The following AKAP6 variants were observed in gnomAD, a reference collection of about 807,000 sequenced individuals.
AKAP6 encodes A-kinase anchor protein 6.
A neutral mutation model predicts 188.5 loss-of-function variants in AKAP6; 58 were observed. The ratio of observed to expected loss-of-function variants is 0.31; its 90% confidence interval spans 0.25 to 0.38. The LOEUF is 0.38. Ranked by LOEUF, AKAP6 falls within the 10% of genes least tolerant of loss-of-function variation. The pLI, the probability that AKAP6 is intolerant of heterozygous loss-of-function variation, is 1.00. For synonymous variants in AKAP6, 989 were observed against 998.6 expected (o/e 0.99, Z 0.18); for missense variants, 2,710 against 2,740.0 (o/e 0.99, Z 0.24).
Position 32,823,863 on chromosome 14 carries a change from G to C in AKAP6, c.6050G>C (p.Gly2017Ala). The change falls in exon 13 of 14, where the codon GGT (glycine) becomes GCT (alanine). Residue 2017 changes from glycine to alanine, a missense_variant. Physicochemically the swap from Gly to Ala is moderately conservative, Grantham distance 60. Transcript: ENST00000280979. ...CCGAGTATGGCTGGAAAATCTGCTG[G>C]TTGTTGCCTAGCACTTGAACAAAAC... ...DAPSMAGKSAGCCLALEQNGT... is the reference protein window; with the variant it reads ...DAPSMAGKSAACCLALEQNGT... 6.2e-7 allele frequency: 1 copy of C among 1,613,694 alleles called. No individual in the cohort carries two copies. The highest frequency in any genetic ancestry group is 8.5e-7 in the Non-Finnish European group (1 of 1,179,904).
At chr14:32,699,410 C>A (rs141930516) in intron 9 of AKAP6, among the ~76,000 whole-genome samples, 214 of 152,302 alleles carry the variant, frequency 1.4e-3, no homozygotes, top group African/African-American at 4.3e-3. Context: ...AACTTAACAT[C>A]ATTCAGAAAC....
chr14:32,710,640 G>A (rs909439115), intron 9 of AKAP6, among the ~76,000 whole-genome samples: 2 of 151,956 alleles, frequency 1.3e-5, no homozygotes, highest in Non-Finnish European at 2.9e-5. Context: ...TACACAAAGC[G>A]TTTCTAATGA....
chr14:32,680,551 C>CAT (rs1889633652), intron 8 of AKAP6, among the ~76,000 whole-genome samples: 1 of 152,106 alleles, frequency 6.6e-6, no homozygotes, highest in Non-Finnish European at 1.5e-5. Context: ...ATTCCACATG[C>CAT]ATATATCCAA....
chr14:32,675,556 G>A lies in AKAP6; in HGVS notation c.2731-2755G>A, dbSNP rs571849021. Among the ~76,000 whole-genome samples, 35 of 152,286 alleles carry A rather than the reference G, an allele frequency of 2.3e-4. No homozygotes were observed. The South Asian group carries it at 4.3e-3, about 19-fold the overall frequency. Reference sequence around the variant, plus strand: ...AAAAAGTTAAGATAGTCTGCAGAAAGATTTAGACTGGCAAAGCCATTCAAC... The same window carrying A: ...AAAAAGTTAAGATAGTCTGCAGAAAAATTTAGACTGGCAAAGCCATTCAAC... On this transcript the variant is annotated intron_variant, in intron 7 of 13. Coordinates refer to ENST00000280979, the MANE Select transcript of AKAP6 (RefSeq NM_004274.5).
intron 9 of AKAP6, among the ~76,000 whole-genome samples, chr14:32,731,394 T>C (rs1359869594): frequency 2.0e-5 from 3 of 152,128 alleles, no homozygotes; most frequent in Non-Finnish European, 4.4e-5. Flanking sequence ...CATTTGAACT[T>C]ATTGATTTAT....
At chr14:32,752,950 T>A (rs1298579468) in intron 11 of AKAP6, among the ~76,000 whole-genome samples, 3 of 152,178 alleles carry the variant, frequency 2.0e-5, no homozygotes, top group Admixed American at 6.5e-5. Flanking sequence ...ACATTTTCTA[T>A]ATCCATTGAT....
intron 9 of AKAP6, among the ~76,000 whole-genome samples, chr14:32,711,310 A>G (rs763554497): frequency 3.7e-4 from 56 of 152,070 alleles, no homozygotes; most frequent in Admixed American, 7.2e-4. Flanking sequence ...TGGTAACCAA[A>G]GAAAATCAGA....
chr14:32,767,902 C>A (rs2032767929), intron 11 of AKAP6, among the ~76,000 whole-genome samples: 1 of 152,148 alleles, frequency 6.6e-6, no homozygotes, highest in Non-Finnish European at 1.5e-5. Context: ...TATTTAGAAC[C>A]TACTACAACC....
chr14:32,443,423 A>C (rs1487643781), intron 2 of AKAP6, among the ~76,000 whole-genome samples: 23 of 151,902 alleles, frequency 1.5e-4, no homozygotes, highest in Middle Eastern at 3.2e-3. Context: ...AAAAACAAAA[A>C]AACAAAAAAA....
chr14:32,433,074 A>C (rs1265649565), intron 1 of AKAP6: 2 of 172,654 alleles, frequency 1.2e-5, no homozygotes, highest in Middle Eastern at 2.9e-3. Flanking sequence ...GCTCTCCCAG[A>C]ATTTCAACAC....
chr14:32,767,312 C>G (rs1324491932), intron 11 of AKAP6, among the ~76,000 whole-genome samples: 1 of 152,060 alleles, frequency 6.6e-6, no homozygotes. Flanking sequence ...TTATTGAAAA[C>G]CCAAACGAAA....
At chr14:32,672,580 C>G (rs1448748379) in intron 7 of AKAP6, among the ~76,000 whole-genome samples, 2 of 152,176 alleles carry the variant, frequency 1.3e-5, no homozygotes, top group Non-Finnish European at 2.9e-5. Context: ...GGGACCCCCA[C>G]CCTTGTGACC....
chr14:32,645,642 T>C (rs1887957292), intron 7 of AKAP6, among the ~76,000 whole-genome samples: 1 of 152,114 alleles, frequency 6.6e-6, no homozygotes, highest in South Asian at 2.1e-4. Flanking sequence ...TACTCCTGTA[T>C]TGATGAGCTC....
At chr14:32,613,981 T>A (rs2139392687) in intron 7 of AKAP6, among the ~76,000 whole-genome samples, 1 of 152,308 alleles carries the variant, frequency 6.6e-6, no homozygotes, top group East Asian at 1.9e-4. Flanking sequence ...TTGGTTGCAT[T>A]TTAGAGTGAA....
intron 3 of AKAP6, among the ~76,000 whole-genome samples, chr14:32,540,193 T>TATATATATATATATATA (rs1882882755): frequency 8.3e-6 from 1 of 121,120 alleles, no homozygotes; most frequent in African/African-American, 3.2e-5. Flanking sequence ...TATATATATA[T>TATATATATATATATATA]TTTAATTTTT....
intron 7 of AKAP6, among the ~76,000 whole-genome samples, chr14:32,636,012 C>T (rs1887470526): frequency 6.6e-6 from 1 of 152,080 alleles, no homozygotes; most frequent in African/African-American, 2.4e-5. Flanking sequence ...ATAGTGGTCT[C>T]TTCTCCCAGT....
chr14:32,803,034 G>A (rs969829535), intron 12 of AKAP6, among the ~76,000 whole-genome samples: 1 of 152,166 alleles, frequency 6.6e-6, no homozygotes, highest in African/African-American at 2.4e-5. Context: ...GGAGGCAGAG[G>A]CTGCAGTGAG....
chr14:32,799,261 G>A (rs2033866596), intron 12 of AKAP6, among the ~76,000 whole-genome samples: 1 of 152,070 alleles, frequency 6.6e-6, no homozygotes, highest in Non-Finnish European at 1.5e-5. Context: ...TTCAGTACTG[G>A]CTGATATAGT....
intron 7 of AKAP6, among the ~76,000 whole-genome samples, chr14:32,621,020 C>T (rs891379841): frequency 1.3e-5 from 2 of 151,824 alleles, no homozygotes; most frequent in Non-Finnish European, 2.9e-5. Context: ...TCTCCATTTT[C>T]GTTTCTAATT....
Sources: allele counts gnomAD v4.1 joint callset (sites outside exome capture counted in the v4.1 genomes callset), GRCh38; gene constraint gnomAD v4.1.1; transcripts MANE v1.5; gene names NCBI Gene and HGNC (gene_info 2026-07-23, HGNC 2026-07-21).